WIF1: variants seen among roughly 807,000 people sequenced by gnomAD.
WIF1 encodes the protein Wnt inhibitory factor 1.
A neutral mutation model predicts 53.5 loss-of-function variants in WIF1; 35 were observed. That is an observed-to-expected ratio of 0.65 (90% CI 0.50 to 0.87). The LOEUF (loss-of-function observed/expected upper bound fraction) is 0.87. WIF1 is among the 40% of genes least tolerant of loss of function. The pLI is 0.00. For synonymous variants in WIF1, 171 were observed against 170.4 expected (o/e 1.00, Z -0.03); for missense variants, 467 against 476.8 (o/e 0.98, Z 0.19).
intron 2 of WIF1, among the ~76,000 whole-genome samples, chr12:65,086,360 C>G (rs2136626983): frequency 6.6e-6 from 1 of 152,186 alleles, no homozygotes; most frequent in South Asian, 2.1e-4. Flanking sequence ...TAGCAAAGTC[C>G]TGGGTCGATG....
chr12:65,087,158 AAAT>A (rs1883052499), intron 2 of WIF1, among the ~76,000 whole-genome samples: 1 of 152,088 alleles, frequency 6.6e-6, no homozygotes, highest in African/African-American at 2.4e-5. Context: ...GCGGGGGAAA[AAAT>A]AAAACAAAAC....
intron 5 of WIF1, among the ~76,000 whole-genome samples, chr12:65,067,472 A>G (rs1224387476): frequency 1.3e-5 from 2 of 152,184 alleles, no homozygotes; most frequent in Non-Finnish European, 2.9e-5. Context: ...CAAAATTTTC[A>G]TAAGATTATG....
chr12:65,089,218 C>A (rs1402093761), intron 2 of WIF1, among the ~76,000 whole-genome samples: 1 of 152,108 alleles, frequency 6.6e-6, no homozygotes, highest in East Asian at 1.9e-4. Flanking sequence ...CATTTGTATT[C>A]CTTAGGAAAG....
chr12:65,098,747 C>A (rs141298064), intron 2 of WIF1, among the ~76,000 whole-genome samples: 188 of 152,226 alleles, frequency 1.2e-3, no homozygotes, highest in Non-Finnish European at 2.0e-3. Flanking sequence ...GCAACTTTTT[C>A]TTTCCACATT....
chr12:65,080,759 A>G (rs1882936713), intron 2 of WIF1, among the ~76,000 whole-genome samples: 1 of 152,226 alleles, frequency 6.6e-6, no homozygotes. Context: ...AAGACTTAAC[A>G]GTACATATAA....
At chr12:65,068,926 T>G (rs777284424) in intron 3 of WIF1, 22 bp from the exon 4 acceptor site, 2 of 1,609,028 alleles carry the variant, frequency 1.2e-6, no homozygotes, top group African/African-American at 2.7e-5. Flanking sequence ...AAAGAGAAAG[T>G]GTGGAGAAAT....
intron 2 of WIF1, among the ~76,000 whole-genome samples, chr12:65,089,687 G>T (rs1883094695): frequency 6.6e-6 from 1 of 152,008 alleles, no homozygotes; most frequent in South Asian, 2.1e-4. Context: ...TCTATGCCTG[G>T]AGTATCCACT....
chr12:65,086,907 G>C (rs989087312), intron 2 of WIF1, among the ~76,000 whole-genome samples: 5 of 152,064 alleles, frequency 3.3e-5, no homozygotes, highest in Non-Finnish European at 5.9e-5. Flanking sequence ...ACTTTGGGAG[G>C]CTGAGGCAGT....
Position 65,051,341 on chromosome 12 carries a change from G to C in WIF1, c.*8C>G. On this transcript the variant is annotated 3_prime_UTR_variant, in exon 10 of 10. Coordinates refer to ENST00000286574, the MANE Select transcript of WIF1 (RefSeq NM_007191.5). ...TGGTGTAACTTAAAACGTTTCAGATGTCGGAGTTCACCAGATGTAATTGGA... is the reference window on the plus strand; with the variant it reads ...TGGTGTAACTTAAAACGTTTCAGATCTCGGAGTTCACCAGATGTAATTGGA... 4 of 1,611,016 alleles carry C rather than the reference G, an allele frequency of 2.5e-6. No homozygotes were observed. Among genetic ancestry groups the C allele is most frequent in the Non-Finnish European group, 3.4e-6 (4 of 1,178,788 alleles).
intron 2 of WIF1, among the ~76,000 whole-genome samples, chr12:65,094,975 C>G (rs920203577): frequency 1.3e-5 from 2 of 151,408 alleles, no homozygotes; most frequent in East Asian, 1.9e-4. Flanking sequence ...CTCTGTCACC[C>G]GGGCTAAAGT....
In WIF1 at chr12:65,056,105, C is replaced by A. The variant is rs144126995; in HGVS notation, c.848G>T (p.Arg283Leu). Reference protein sequence around the residue: ...CEISKCPQPCRNGGKCIGKSK... With the variant: ...CEISKCPQPCLNGGKCIGKSK... Reference sequence around the variant, plus strand: ...TTTACCAATGCATTTACCTCCATTTCGACAGGGTTGTGGGCATTTGCCTGA... The same window carrying A: ...TTTACCAATGCATTTACCTCCATTTAGACAGGGTTGTGGGCATTTGCCTGA... The change falls in exon 8 of 10, where the codon CGA becomes CTA. Residue 283 changes from arginine (R) to leucine (L), a missense_variant. Coordinates refer to ENST00000286574, the MANE Select transcript of WIF1 (RefSeq NM_007191.5). 2 of 1,614,036 alleles carry A rather than the reference C, an allele frequency of 1.2e-6. No individual in the cohort carries two copies. The highest frequency in any genetic ancestry group is 1.7e-6 in the Non-Finnish European group (2 of 1,179,984).
At position 65,055,229 on chromosome 12, in the gene WIF1, A is replaced by G. The variant is rs753592701; in HGVS notation, c.923-16T>C. The G allele has an allele frequency of 3.7e-6, 6 of 1,609,872 alleles. No homozygotes were observed. In the African/African-American group the frequency reaches 5.4e-5, roughly 14 times the overall value. On this transcript the variant is annotated splice_polypyrimidine_tract_variant and intron_variant, in intron 8 of 9. Transcript: ENST00000286574. Reference sequence around the variant, plus strand: ...TCGCAGACAGCTAGAATCAAAAGAAATAAAAAGAGTATTTCCTGAGCTTTC... The same window carrying G: ...TCGCAGACAGCTAGAATCAAAAGAAGTAAAAAGAGTATTTCCTGAGCTTTC...
At chr12:65,087,041 T>G (rs542564968) in intron 2 of WIF1, among the ~76,000 whole-genome samples, 49 of 152,150 alleles carry the variant, frequency 3.2e-4, no homozygotes, top group African/African-American at 1.1e-3. Context: ...TCCCAGCTAC[T>G]CTGGAGGCTG....
chr12:65,089,699 C>T (rs2136629105), intron 2 of WIF1, among the ~76,000 whole-genome samples: 1 of 152,252 alleles, frequency 6.6e-6, no homozygotes. Flanking sequence ...GTATCCACTC[C>T]CTGCACTTGC....
intron 6 of WIF1, among the ~76,000 whole-genome samples, chr12:65,065,266 T>G (rs1280962694): frequency 6.6e-6 from 1 of 152,108 alleles, no homozygotes; most frequent in Non-Finnish European, 1.5e-5. Context: ...AGAAAAAGCA[T>G]GGTCCACAGA....
chr12:65,058,491 G>A (rs762743273), intron 7 of WIF1, among the ~76,000 whole-genome samples: 6 of 152,096 alleles, frequency 3.9e-5, no homozygotes, highest in South Asian at 2.1e-4. Flanking sequence ...TAGATTCACC[G>A]CAGTCAGGAA....
At chr12:65,055,089 G>T in intron 9 of WIF1, 29 bp downstream of exon 9, 1 of 1,601,952 alleles carries the variant, frequency 6.2e-7, no homozygotes, top group African/African-American at 1.4e-5. Context: ...TTTTTTCCTT[G>T]TTTACAACTT....
At chr12:65,116,212 C>T (rs1687969789) in intron 2 of WIF1, among the ~76,000 whole-genome samples, 1 of 152,132 alleles carries the variant, frequency 6.6e-6, no homozygotes, top group African/African-American at 2.4e-5. Context: ...GGGTCCCCAA[C>T]CCTCGGGGCA....
chr12:65,069,096 G>A (rs1323822255), intron 3 of WIF1, among the ~76,000 whole-genome samples, 192 bp from the exon 4 acceptor site: 1 of 152,154 alleles, frequency 6.6e-6, no homozygotes, highest in African/African-American at 2.4e-5. Flanking sequence ...ATCATGTCAG[G>A]TGAAGAAAGA....
Sources: gnomAD v4.1 joint callset for allele counts (sites outside exome capture counted in the v4.1 genomes callset) on GRCh38, gnomAD v4.1.1 for gene constraint, MANE v1.5 for transcripts, NCBI Gene and HGNC (gene_info 2026-07-23, HGNC 2026-07-21) for gene names.